LTBP1: variants seen among roughly 807,000 people sequenced by gnomAD.
LTBP1 encodes latent-transforming growth factor beta-binding protein 1.
Under a neutral mutation model 207.6 loss-of-function variants are expected in LTBP1, and 129 were observed. That is an observed-to-expected ratio of 0.62 (90% CI 0.54 to 0.72). The LOEUF is 0.72. LTBP1 is among the 30% of genes least tolerant of loss of function. The pLI is 0.00. For missense variants in LTBP1, 2,281 were observed against 2,217.2 expected (o/e 1.03, Z -0.58); for synonymous variants, 963 against 833.7 (o/e 1.16, Z -2.67).
At chr2:33,377,616 A>G (rs149540252) in intron 31 of LTBP1, among the ~76,000 whole-genome samples, 67 of 152,368 alleles carry the variant, frequency 4.4e-4, no homozygotes, top group African/African-American at 1.4e-3. Flanking sequence ...AAATCTTTCT[A>G]GTTTGAGCGA....
chr2:33,382,135 C>A (rs1432567123), intron 31 of LTBP1, among the ~76,000 whole-genome samples: 1 of 109,934 alleles, frequency 9.1e-6, no homozygotes, highest in Non-Finnish European at 1.7e-5. Context: ...CGCTCTGTTG[C>A]CCAGGCTGGA....
intron 2 of LTBP1, among the ~76,000 whole-genome samples, chr2:32,971,398 G>T (rs1680859343): frequency 6.6e-6 from 1 of 152,074 alleles, no homozygotes; most frequent in Admixed American, 6.5e-5. Context: ...TCCAGCTTTT[G>T]CCCATTCAGG....
At chr2:33,154,344 G>T (rs879229493) in intron 5 of LTBP1, among the ~76,000 whole-genome samples, 3 of 152,194 alleles carry the variant, frequency 2.0e-5, no homozygotes, top group Admixed American at 2.0e-4. Context: ...TCCCATTTTT[G>T]TATTCCAAAC....
chr2:32,959,615 A>ATTTT lies in LTBP1; in HGVS notation c.565+10671_565+10672insTTTT, dbSNP rs1232142524. ...TGTACGTGTATATATATATATATATATATATATTTTTTTTTTTTTTTTTGA... is the reference window on the plus strand; with the variant it reads ...TGTACGTGTATATATATATATATATATTTTTATATATTTTTTTTTTTTTTTTTGA... On this transcript the variant is annotated intron_variant, in intron 2 of 33. Coordinates refer to ENST00000404816, the MANE Select transcript of LTBP1 (RefSeq NM_206943.4). 1.2e-3 allele frequency among the ~76,000 whole-genome samples: 45 copies of ATTTT among 37,692 alleles called. 1 individual carries two copies. Among genetic ancestry groups the ATTTT allele is most frequent in the Non-Finnish European group, 1.7e-3 (34 of 20,598 alleles). The allele number at this position is 37,692 out of a possible 152,430, so 24.7% of individuals were successfully genotyped here.
In LTBP1 at chr2:33,305,950, C is replaced by G. The variant is rs148622778; in HGVS notation, c.3482-3484C>G. On this transcript the variant is annotated intron_variant, in intron 22 of 33. Transcript: ENST00000404816. Reference sequence around the variant, plus strand: ...AGTTGGTGACCTCAACAAGCTCAGTCTTGGTAGAAAGATGACAGTGATTCA... The same window carrying G: ...AGTTGGTGACCTCAACAAGCTCAGTGTTGGTAGAAAGATGACAGTGATTCA... Among the ~76,000 whole-genome samples, 498 of 152,270 alleles carry G rather than the reference C, an allele frequency of 3.3e-3. 3 individuals are homozygous for G. Among genetic ancestry groups the G allele is most frequent in the African/African-American group, 0.012 (493 of 41,566 alleles).
At chr2:33,025,547 CT>C (rs1157466810) in intron 3 of LTBP1, among the ~76,000 whole-genome samples, 1 of 152,128 alleles carries the variant, frequency 6.6e-6, no homozygotes, top group African/African-American at 2.4e-5. Flanking sequence ...TTCAAACAAA[CT>C]GCTAATAAAA....
chr2:33,023,372 T>G (rs2149246406), intron 3 of LTBP1, among the ~76,000 whole-genome samples: 1 of 152,284 alleles, frequency 6.6e-6, no homozygotes. Flanking sequence ...AAAGGAACAG[T>G]CTATTTTTTT....
intron 1 of LTBP1, among the ~76,000 whole-genome samples, chr2:32,948,035 A>G (rs939213219): frequency 1.3e-5 from 2 of 152,182 alleles, no homozygotes; most frequent in Admixed American, 6.5e-5. Context: ...CTCCGAGTGC[A>G]TTGTTACCGA....
At chr2:32,999,508 T>C (rs1436777639) in intron 2 of LTBP1, among the ~76,000 whole-genome samples, 1 of 131,106 alleles carries the variant, frequency 7.6e-6, no homozygotes, top group Non-Finnish European at 1.6e-5. Context: ...CACTGCTTTC[T>C]CCTTCCTCCT....
intron 2 of LTBP1, among the ~76,000 whole-genome samples, chr2:32,968,576 A>T (rs1219963098): frequency 6.6e-6 from 1 of 152,162 alleles, no homozygotes; most frequent in African/African-American, 2.4e-5. Flanking sequence ...CCACTCTGAC[A>T]GTCTCTGCCT....
At position 32,947,423 on chromosome 2, in the gene LTBP1, C is replaced by T. The variant is rs1238816426; in HGVS notation, c.99C>T (p.His33=). The change falls in exon 1 of 34, where the codon CAC becomes CAT. Residue 33 remains histidine, a synonymous_variant. Transcript: ENST00000404816. Reference sequence around the variant, plus strand: ...TGCGGAGGATCACCTACGTGGTGCACCCGGGCCCCGGCCTGGCAGCCGGCG... The same window carrying T: ...TGCGGAGGATCACCTACGTGGTGCATCCGGGCCCCGGCCTGGCAGCCGGCG... ...GRLRRITYVV[H]PGPGLAAGAL... 4.2e-6 allele frequency: 6 copies of T among 1,439,590 alleles called. No individual in the cohort carries two copies. Among genetic ancestry groups the T allele is most frequent in the South Asian group, 1.3e-5 (1 of 74,462 alleles). 89.2% of individuals were successfully genotyped at this position (1,439,590 alleles called of 1,614,324 possible).
In LTBP1 at chr2:33,277,869, G is replaced by A. The variant is rs183088368; in HGVS notation, c.2992+1946G>A. ...TTTTTAAAGACAGTCTTGCTCTGTC[G>A]CCCAGGCTGGAGTGCAGTGGTGCGA... On this transcript the variant is annotated intron_variant, in intron 18 of 33. Coordinates refer to ENST00000404816, the MANE Select transcript of LTBP1 (RefSeq NM_206943.4). Among the ~76,000 whole-genome samples, 309 of 124,894 alleles carry A rather than the reference G, an allele frequency of 2.5e-3. 1 individual carries two copies. The highest frequency in any genetic ancestry group is 9.2e-3 in the African/African-American group (285 of 31,110). 81.9% of individuals were successfully genotyped at this position (124,894 alleles called of 152,430 possible).
At chr2:33,033,241 A>C (rs984219706) in intron 3 of LTBP1, among the ~76,000 whole-genome samples, 1 of 151,832 alleles carries the variant, frequency 6.6e-6, no homozygotes, top group African/African-American at 2.4e-5. Flanking sequence ...TTTTTAGTAG[A>C]GAGCTATATT....
chr2:32,951,372 G>T (rs1267542712), intron 2 of LTBP1, among the ~76,000 whole-genome samples: 2 of 152,188 alleles, frequency 1.3e-5, no homozygotes, highest in African/African-American at 2.4e-5. Context: ...AGGTCAGCGT[G>T]CGATCCAAAA....
chr2:33,307,427 A>G (rs1306718163), intron 22 of LTBP1, among the ~76,000 whole-genome samples: 1 of 152,250 alleles, frequency 6.6e-6, no homozygotes, highest in East Asian at 1.9e-4. Flanking sequence ...ATTATGGTGC[A>G]TTCATCCAAT....
rs370251080 is a variant in LTBP1, at chr2:33,252,741, G to A, written c.2064G>A (p.Gln688=). ...ACCGACTTGTCAGTTCTGGAAGACA[G>A]TGTATGCACCCTCTGTCTGTTCACC... ...PCYRLVSSGR[Q]CMHPLSVHLT... is the part of the protein sequence containing the mutation. The change falls in exon 11 of 34, where the codon CAG becomes CAA. Residue 688 remains glutamine, a synonymous_variant. Transcript: ENST00000404816. The A allele has an allele frequency of 2.5e-5, 40 of 1,614,098 alleles. No individual in the cohort carries two copies. The South Asian group carries it at 3.4e-4, about 14-fold the overall frequency.
intron 2 of LTBP1, among the ~76,000 whole-genome samples, chr2:32,964,954 C>T (rs1429200809): frequency 6.6e-6 from 1 of 151,914 alleles, no homozygotes; most frequent in African/African-American, 2.4e-5. Flanking sequence ...GCAGGAGAAT[C>T]GCTTGAACCA....
chr2:33,327,439 T>C (rs2149425550), intron 24 of LTBP1, among the ~76,000 whole-genome samples: 1 of 152,214 alleles, frequency 6.6e-6, no homozygotes, highest in Middle Eastern at 3.4e-3. Flanking sequence ...TAAAGAACAA[T>C]AGAATACTGA....
Position 33,234,478 on chromosome 2 carries a change from A to G in LTBP1, c.1877-9184A>G, listed in dbSNP as rs544101546. On this transcript the variant is annotated intron_variant, in intron 9 of 33. Transcript: ENST00000404816. ...GAGTGAACTCCCAGTCACAATTGCT[A>G]CAAAGAGAATAAAATACCTAGGAAT... is the stretch of plus-strand genomic sequence containing the variant. 3.9e-5 allele frequency among the ~76,000 whole-genome samples: 6 copies of G among 152,210 alleles called. No individual in the cohort carries two copies. In the South Asian group the frequency reaches 1.0e-3, roughly 26 times the overall value.
Sources: gnomAD v4.1 joint callset for allele counts (sites outside exome capture counted in the v4.1 genomes callset) on GRCh38, gnomAD v4.1.1 for gene constraint, MANE v1.5 for transcripts, NCBI Gene and HGNC (gene_info 2026-07-23, HGNC 2026-07-21) for gene names.